PKDREJ: variants seen among roughly 807,000 people sequenced by gnomAD.
PKDREJ encodes PKD and REJ homolog.
For missense variants in PKDREJ, 2,507 were observed against 2,807.2 expected (o/e 0.89, Z 2.42); for synonymous variants, 1,031 against 1,095.5 (o/e 0.94, Z 1.16).
rs769448255 is a variant in PKDREJ at position 46,259,736 on chromosome 22, A to G, written c.3587T>C (p.Leu1196Ser). Reference sequence around the variant, plus strand: ...AGCCCAAAAAGCTAGGCCCACGTATAAGAGAATAATGAAAAGCACAGTGAA... The same window carrying G: ...AGCCCAAAAAGCTAGGCCCACGTATGAGAGAATAATGAAAAGCACAGTGAA... ...TLFTVLFIILLYVGLAFWALY... is the reference protein window; with the variant it reads ...TLFTVLFIILSYVGLAFWALY... Residue 1196 changes from leucine (L) to serine (S), a missense_variant, in exon 1 of 1, where the codon TTA (leucine) becomes TCA (serine). By Grantham distance (145) the Leu-to-Ser change is moderately radical. Coordinates refer to ENST00000253255, the MANE Select transcript of PKDREJ (RefSeq NM_006071.2). This position sits in a 1 kb window ranked among gnomAD's most constrained non-coding sequence, Gnocchi z 6.8. 6.8e-6 allele frequency: 11 copies of G among 1,614,230 alleles called. No individual in the cohort carries two copies. Among genetic ancestry groups the G allele is most frequent in the East Asian group, 4.5e-5 (2 of 44,890 alleles).
chr22:46,258,171 A>G lies in PKDREJ; in HGVS notation c.5152T>C (p.Phe1718Leu). 6.2e-7 allele frequency: 1 copy of G among 1,614,170 alleles called. No homozygotes were observed. The highest frequency in any genetic ancestry group is 8.5e-7 in the Non-Finnish European group (1 of 1,179,980). Reference sequence around the variant, plus strand: ...ATCAACAGAAGGGCTAGAAAGATAAAGTGAGTTAGAATGTAACTCAGAAAC... The same window carrying G: ...ATCAACAGAAGGGCTAGAAAGATAAGGTGAGTTAGAATGTAACTCAGAAAC... ...LLFLSYILTH[F>L]IFLALLLILI... The change falls in exon 1 of 1, where the codon TTT becomes CTT. Residue 1718 changes from phenylalanine (F) to leucine (L), a missense_variant. Coordinates refer to ENST00000253255, the MANE Select transcript of PKDREJ (RefSeq NM_006071.2). This position sits in a 1 kb window ranked among gnomAD's most constrained non-coding sequence, Gnocchi z 6.1.
At position 46,262,909 on chromosome 22, in the gene PKDREJ, G is replaced by A. The variant is rs1378490549; in HGVS notation, c.414C>T (p.Arg138=). The change falls in exon 1 of 1, where the codon CGC becomes CGT. Residue 138 remains arginine (R), a synonymous_variant. Transcript: ENST00000253255. This position sits in a 1 kb window ranked among gnomAD's most constrained non-coding sequence, Gnocchi z 8.1. ...WSVRLPRSPG[R]LAWAFRLRLL... The stretch of plus-strand genomic sequence containing the variant: ...GCCGCAGGCGGAAGGCCCAGGCCAG[G>A]CGCCCGGGCGAGCGCGGCAGCCGCA... 9.4e-7 allele frequency: 1 copy of A among 1,069,220 alleles called. No homozygotes were observed. The highest frequency in any genetic ancestry group is 1.1e-6 in the Non-Finnish European group (1 of 885,822). The allele number at this position is 1,069,220 out of a possible 1,614,324, so 66.2% of individuals were successfully genotyped here.
At position 46,259,625 on chromosome 22, in the gene PKDREJ, A is replaced by G. The variant is rs776145352; in HGVS notation, c.3698T>C (p.Leu1233Ser). The G allele has an allele frequency of 6.2e-7, 1 of 1,614,192 alleles. No homozygotes were observed. Among genetic ancestry groups the G allele is most frequent in the South Asian group, 1.1e-5 (1 of 91,084 alleles). Residue 1233 changes from leucine (L) to serine (S), a missense_variant, in exon 1 of 1, where the codon TTG becomes TCG. By Grantham distance (145) the Leu-to-Ser change is moderately radical. Transcript: ENST00000253255. The surrounding 1 kb of genome is among the most constrained non-coding windows in gnomAD (Gnocchi z 6.8). ...DNDPYDNLCY[L>S]VTIFTGSRWG... Reference sequence around the variant, plus strand: ...ACGACTTCCTGTAAAAATAGTCACCAAGTAGCATAAATTATCATAAGGATC... The same window carrying G: ...ACGACTTCCTGTAAAAATAGTCACCGAGTAGCATAAATTATCATAAGGATC...
chr22:46,258,527 C>A lies in PKDREJ; in HGVS notation c.4796G>T (p.Gly1599Val), dbSNP rs754789238. 4.3e-6 allele frequency: 7 copies of A among 1,613,972 alleles called. No homozygotes were observed. In the Admixed American group the frequency reaches 1.2e-4, roughly 27 times the overall value. ...TGACTTGTCATAGCCGTAAGTCAGTCCATAAAATACAATGAAGAATGAGGA... is the reference window on the plus strand; with the variant it reads ...TGACTTGTCATAGCCGTAAGTCAGTACATAAAATACAATGAAGAATGAGGA... The part of the protein sequence containing the change: ...SISSFFIVFY[G>V]LTYGYDKSIE... The change falls in exon 1 of 1, where the codon GGA becomes GTA. Residue 1599 changes from glycine to valine, a missense_variant. Transcript: ENST00000253255. This position sits in a 1 kb window ranked among gnomAD's most constrained non-coding sequence, Gnocchi z 6.1.
Position 46,257,777 on chromosome 22 carries a change from A to G in PKDREJ, c.5546T>C (p.Ile1849Thr), listed in dbSNP as rs750430335. The G allele has an allele frequency of 9.9e-6, 16 of 1,614,170 alleles. No homozygotes were observed. In the South Asian group the frequency reaches 1.3e-4, roughly 13 times the overall value. ...GFWNEVDKQAIDESTNGFTYK... is the reference protein window; with the variant it reads ...GFWNEVDKQATDESTNGFTYK... Reference sequence around the variant, plus strand: ...AGTAAATCCATTGGTACTCTCATCTATAGCCTGCTTATCAACTTCATTCCA... The same window carrying G: ...AGTAAATCCATTGGTACTCTCATCTGTAGCCTGCTTATCAACTTCATTCCA... Residue 1849 changes from isoleucine (I) to threonine (T), a missense_variant, in exon 1 of 1, where the codon ATA (isoleucine) becomes ACA (threonine). Ile to Thr is a moderately conservative substitution (Grantham distance 89). Coordinates refer to ENST00000253255, the MANE Select transcript of PKDREJ (RefSeq NM_006071.2). The surrounding 1 kb of genome is among the most constrained non-coding windows in gnomAD (Gnocchi z 4.7).
In PKDREJ at chr22:46,261,454, C is replaced by T. The variant is rs745454010; in HGVS notation, c.1869G>A (p.Leu623=). 15 of 1,614,146 alleles carry T rather than the reference C, an allele frequency of 9.3e-6. No individual in the cohort carries two copies. The East Asian group carries it at 1.1e-4, about 12-fold the overall frequency. ...AAGGGGGTACTGTGGACTGAGGCCC[C>T]AAGTACAGGATGGTCCCCAGGGTGT... ...KENTLGTILY[L]GPQSTVPPSF... is the part of the protein sequence containing the mutation. The change falls in exon 1 of 1, where the codon TTG becomes TTA. Residue 623 remains leucine, a synonymous_variant. Transcript: ENST00000253255. This position sits in a 1 kb window ranked among gnomAD's most constrained non-coding sequence, Gnocchi z 7.1.
In PKDREJ at chr22:46,263,070, C is replaced by G; in HGVS notation, c.253G>C (p.Gly85Arg). The change falls in exon 1 of 1, where the codon GGG (glycine) becomes CGG (arginine). Residue 85 changes from glycine (G) to arginine (R), a missense_variant. Coordinates refer to ENST00000253255, the MANE Select transcript of PKDREJ (RefSeq NM_006071.2). The surrounding 1 kb of genome is among the most constrained non-coding windows in gnomAD (Gnocchi z 9.4). ...GSLCFPHGGT[G>R]RRWYCLDLRV... Reference sequence around the variant, plus strand: ...AAGTCGAGGCAGTACCAGCGCCGCCCGGTCCCGCCATGGGGGAAGCAGAGG... The same window carrying G: ...AAGTCGAGGCAGTACCAGCGCCGCCGGGTCCCGCCATGGGGGAAGCAGAGG... 2 of 1,333,890 alleles carry G rather than the reference C, an allele frequency of 1.5e-6. No homozygotes were observed. The highest frequency in any genetic ancestry group is 9.7e-7 in the Non-Finnish European group (1 of 1,031,356). The allele number at this position is 1,333,890 out of a possible 1,614,324, so 82.6% of individuals were successfully genotyped here. A position where few individuals can be genotyped will look rare whatever the true frequency, so the allele number is the denominator to read the frequency against.
In PKDREJ at chr22:46,255,675, T is replaced by G. The variant is rs1182759324; in HGVS notation, c.*886A>C. 1 of 152,162 alleles carries G rather than the reference T, an allele frequency of 6.6e-6. No homozygotes were observed. The highest frequency in any genetic ancestry group is 6.5e-5 in the Admixed American group (1 of 15,280). 9.4% of individuals were successfully genotyped at this position (152,162 alleles called of 1,614,324 possible). A position where few individuals can be genotyped will look rare whatever the true frequency, so the allele number is the denominator to read the frequency against. On this transcript the variant is annotated 3_prime_UTR_variant, in exon 1 of 1. Coordinates refer to ENST00000253255, the MANE Select transcript of PKDREJ (RefSeq NM_006071.2). Reference sequence around the variant, plus strand: ...ATCACTGCAAGGCTCAAAGAAGAAATCTCACATTTAATTCTGATAAAGCTT... The same window carrying G: ...ATCACTGCAAGGCTCAAAGAAGAAAGCTCACATTTAATTCTGATAAAGCTT...
At position 46,262,932 on chromosome 22, in the gene PKDREJ, G is replaced by T; in HGVS notation, c.391C>A (p.Arg131=). 9.3e-7 allele frequency: 1 copy of T among 1,072,658 alleles called. No individual in the cohort carries two copies. The highest frequency in any genetic ancestry group is 1.1e-6 in the Non-Finnish European group (1 of 888,450). 66.4% of individuals were successfully genotyped at this position (1,072,658 alleles called of 1,614,324 possible). The change falls in exon 1 of 1, where the codon CGG becomes AGG. Residue 131 remains arginine (R), a synonymous_variant. Transcript: ENST00000253255. The surrounding 1 kb of genome is among the most constrained non-coding windows in gnomAD (Gnocchi z 8.1). ...AGGCGCCCGGGCGAGCGCGGCAGCC[G>T]CACGGACCACGTCAGGGAGAGGCGG... ...GGRLSLTWSV[R]LPRSPGRLAW...
At position 46,262,348 on chromosome 22, in the gene PKDREJ, G is replaced by T; in HGVS notation, c.975C>A (p.Asp325Glu). ...NPKMPEVKDS[D>E]AVYVWIVRSS... is the part of the protein sequence containing the mutation. ...TCCTGACGATCCAGACATAGACGGC[G>T]TCCGAGTCTTTCACCTCGGGCATCT... Residue 325 changes from aspartate to glutamate, a missense_variant, in exon 1 of 1, where the codon GAC (aspartate) becomes GAA (glutamate). Asp to Glu is a conservative substitution (Grantham distance 45). Coordinates refer to ENST00000253255, the MANE Select transcript of PKDREJ (RefSeq NM_006071.2). The surrounding 1 kb of genome is among the most constrained non-coding windows in gnomAD (Gnocchi z 8.1). The T allele has an allele frequency of 1.9e-6, 3 of 1,614,152 alleles. No homozygotes were observed. Among genetic ancestry groups the T allele is most frequent in the African/African-American group, 1.3e-5 (1 of 75,066 alleles).
chr22:46,263,295 G>A lies in PKDREJ; in HGVS notation c.28C>T (p.Leu10=). The part of the protein sequence containing the change: MRPGPALLL[L]GVGLSLSVGR... ...ACGCTCAGGCTCAGGCCCACGCCCAGAAGGAGGAGAGCGGGCCCAGGCCTC... is the reference window on the plus strand; with the variant it reads ...ACGCTCAGGCTCAGGCCCACGCCCAAAAGGAGGAGAGCGGGCCCAGGCCTC... Residue 10 remains leucine, a synonymous_variant, in exon 1 of 1, where the codon CTG becomes TTG. Transcript: ENST00000253255. This position sits in a 1 kb window ranked among gnomAD's most constrained non-coding sequence, Gnocchi z 9.4. 1 of 1,456,706 alleles carries A rather than the reference G, an allele frequency of 6.9e-7. No homozygotes were observed. The highest frequency in any genetic ancestry group is 9.0e-7 in the Non-Finnish European group (1 of 1,112,654). 90.2% of individuals were successfully genotyped at this position (1,456,706 alleles called of 1,614,324 possible).
chr22:46,262,078 T>TA lies in PKDREJ; in HGVS notation c.1244dup (p.Leu416ThrfsTer9), dbSNP rs1363866614. 6.2e-7 allele frequency: 1 copy of TA among 1,614,032 alleles called. No individual in the cohort carries two copies. The highest frequency in any genetic ancestry group is 1.7e-5 in the Admixed American group (1 of 60,010). On this transcript the variant is annotated frameshift_variant, in exon 1 of 1. Transcript: ENST00000253255. LOFTEE classifies it low-confidence loss of function (END_TRUNC). This position sits in a 1 kb window ranked among gnomAD's most constrained non-coding sequence, Gnocchi z 8.1. ...TAAGTGTTTCTGGCAAAAGTGTCAGTACAGGGCCCGAGGCCCAGGGCCATT... is the reference window on the plus strand; with the variant it reads ...TAAGTGTTTCTGGCAAAAGTGTCAGTAACAGGGCCCGAGGCCCAGGGCCATT...
rs966421150 is a variant in PKDREJ, at chr22:46,255,766, C to T, written c.*795G>A. On this transcript the variant is annotated 3_prime_UTR_variant, in exon 1 of 1. Coordinates refer to ENST00000253255, the MANE Select transcript of PKDREJ (RefSeq NM_006071.2). The stretch of plus-strand genomic sequence containing the variant: ...ATAGTACAGCTACCAGCCCTTGTTT[C>T]TCTTAAGTGATAAACCACATTTTCC... 6.6e-6 allele frequency: 1 copy of T among 152,226 alleles called. No homozygotes were observed. Among genetic ancestry groups the T allele is most frequent in the Non-Finnish European group, 1.5e-5 (1 of 68,038 alleles). The allele number at this position is 152,226 out of a possible 1,614,324, so 9.4% of individuals were successfully genotyped here.
In PKDREJ at chr22:46,263,027, G is replaced by C; in HGVS notation, c.296C>G (p.Ala99Gly). 3.0e-6 allele frequency: 4 copies of C among 1,314,374 alleles called. No homozygotes were observed. Among genetic ancestry groups the C allele is most frequent in the Non-Finnish European group, 3.9e-6 (4 of 1,021,832 alleles). The allele number at this position is 1,314,374 out of a possible 1,614,324, so 81.4% of individuals were successfully genotyped here. A position where few individuals can be genotyped will look rare whatever the true frequency, so the allele number is the denominator to read the frequency against. The change falls in exon 1 of 1, where the codon GCC (alanine) becomes GGC (glycine). Residue 99 changes from alanine (A) to glycine (G), a missense_variant. Coordinates refer to ENST00000253255, the MANE Select transcript of PKDREJ (RefSeq NM_006071.2). The surrounding 1 kb of genome is among the most constrained non-coding windows in gnomAD (Gnocchi z 9.4). ...YCLDLRVLLS[A>G]QRLPWPAAPA... ...CGCGGCCGGCCAGGGCAGGCGTTGG[G>C]CGCTGAGCAGGACGCGCAAGTCGAG...
In PKDREJ at chr22:46,263,285, C is replaced by G; in HGVS notation, c.38G>C (p.Gly13Ala). ...PGPALLLLGV[G>A]LSLSVGRLPL... ...GAGGCGGCCGACGCTCAGGCTCAGG[C>G]CCACGCCCAGAAGGAGGAGAGCGGG... is the stretch of plus-strand genomic sequence containing the variant. The change falls in exon 1 of 1, where the codon GGC becomes GCC. Residue 13 changes from glycine to alanine, a missense_variant. Transcript: ENST00000253255. This position sits in a 1 kb window ranked among gnomAD's most constrained non-coding sequence, Gnocchi z 9.4. 1 of 1,465,158 alleles carries G rather than the reference C, an allele frequency of 6.8e-7. No individual in the cohort carries two copies. Among genetic ancestry groups the G allele is most frequent in the Non-Finnish European group, 9.0e-7 (1 of 1,116,790 alleles). The allele number at this position is 1,465,158 out of a possible 1,614,324, so 90.8% of individuals were successfully genotyped here. A position where few individuals can be genotyped will look rare whatever the true frequency, so the allele number is the denominator to read the frequency against.
chr22:46,257,456 T>C lies in PKDREJ; in HGVS notation c.5867A>G (p.Asp1956Gly). The C allele has an allele frequency of 6.2e-7, 1 of 1,613,988 alleles. No individual in the cohort carries two copies. Among genetic ancestry groups the C allele is most frequent in the Non-Finnish European group, 8.5e-7 (1 of 1,180,018 alleles). ...TTCTGCTGAAGCTTTTCTGTCAAAA[T>C]CAGCAAGTGAAAAAGAGTGCAGAGA... ...SISLHSFSLA[D>G]FDRKASAEIY... is the part of the protein sequence containing the mutation. The change falls in exon 1 of 1, where the codon GAT becomes GGT. Residue 1956 changes from aspartate (D) to glycine (G), a missense_variant. Coordinates refer to ENST00000253255, the MANE Select transcript of PKDREJ (RefSeq NM_006071.2). This position sits in a 1 kb window ranked among gnomAD's most constrained non-coding sequence, Gnocchi z 4.7.
chr22:46,259,021 G>GAATT lies in PKDREJ; in HGVS notation c.4301_4302insAATT (p.Leu1435IlefsTer42). On this transcript the variant is annotated frameshift_variant, in exon 1 of 1. Coordinates refer to ENST00000253255, the MANE Select transcript of PKDREJ (RefSeq NM_006071.2). LOFTEE classifies it low-confidence loss of function (END_TRUNC). The surrounding 1 kb of genome is among the most constrained non-coding windows in gnomAD (Gnocchi z 6.8). ...ATAATTGCACAGGGATTGTAATTAA[G>GAATT]ACACTTTCAATTCCTATCATCATTG... 1 of 1,613,952 alleles carries GAATT rather than the reference G, an allele frequency of 6.2e-7. No homozygotes were observed. The highest frequency in any genetic ancestry group is 1.7e-5 in the Admixed American group (1 of 60,026).
chr22:46,261,828 A>G lies in PKDREJ; in HGVS notation c.1495T>C (p.Ser499Pro). ...CAATCAAATAGCATCTCACCACCTG[A>G]AGAAGACAAAATTGACCATTTATAG... ...DFYKWSILSSSGGEMLFDWMG... is the reference protein window; with the variant it reads ...DFYKWSILSSPGGEMLFDWMG... Residue 499 changes from serine to proline, a missense_variant, in exon 1 of 1, where the codon TCA becomes CCA. By Grantham distance (74) the Ser-to-Pro change is moderately conservative. Transcript: ENST00000253255. The surrounding 1 kb of genome is among the most constrained non-coding windows in gnomAD (Gnocchi z 7.1). 6.2e-7 allele frequency: 1 copy of G among 1,614,062 alleles called. No homozygotes were observed. Among genetic ancestry groups the G allele is most frequent in the Non-Finnish European group, 8.5e-7 (1 of 1,180,006 alleles).
rs1452423978 is a variant in PKDREJ, at chr22:46,258,275, G to T, written c.5048C>A (p.Thr1683Lys). The change falls in exon 1 of 1, where the codon ACG (threonine) becomes AAG (lysine). Residue 1683 changes from threonine to lysine, a missense_variant. Coordinates refer to ENST00000253255, the MANE Select transcript of PKDREJ (RefSeq NM_006071.2). The surrounding 1 kb of genome is among the most constrained non-coding windows in gnomAD (Gnocchi z 6.1). Reference protein sequence around the residue: ...IHDQIVRIRGTRMYQPLTEDE... With the variant: ...IHDQIVRIRGKRMYQPLTEDE... ...TTCTGTAAGGGGTTGGTACATCCTC[G>T]TGCCTCGGATTCGGACGATCTGGTC... 6.2e-7 allele frequency: 1 copy of T among 1,614,042 alleles called. No homozygotes were observed. The highest frequency in any genetic ancestry group is 1.7e-5 in the Admixed American group (1 of 60,006).
Sources: gnomAD v4.1 joint callset for allele counts on GRCh38, gnomAD v4.1.1 for gene constraint, Gnocchi (gnomAD v3.1) non-coding constraint, MANE v1.5 for transcripts, NCBI Gene and HGNC (gene_info 2026-07-23, HGNC 2026-07-21) for gene names.